The following WAPL variants were observed in gnomAD, a reference collection of about 807,000 sequenced individuals.
WAPL encodes WAPL cohesin release factor.
A neutral mutation model predicts 121.0 loss-of-function variants in WAPL; 5 were observed. That is an observed-to-expected ratio of 0.04 (90% CI 0.02 to 0.09). The LOEUF is 0.09. Among genes scored for constraint, WAPL ranks in the 10% least tolerant of loss-of-function variants. The pLI is 1.00. For synonymous variants in WAPL, 480 were observed against 481.5 expected (o/e 1.00, Z 0.04); for missense variants, 999 against 1,410.8 (o/e 0.71, Z 4.68).
At chr10:86,453,012 T>C (rs1841027904) in intron 14 of WAPL, among the ~76,000 whole-genome samples, 1 of 77,238 alleles carries the variant, frequency 1.3e-5, no homozygotes, top group Non-Finnish European at 2.2e-5. Flanking sequence ...GTAGACTCCA[T>C]CTCCCAAAAA....
At chr10:86,518,558 A>C (rs1382382490) in intron 1 of WAPL, among the ~76,000 whole-genome samples, 1 of 152,208 alleles carries the variant, frequency 6.6e-6, no homozygotes, top group African/African-American at 2.4e-5. Flanking sequence ...AAATACAAAA[A>C]TTAGCTGGGA....
In WAPL at chr10:86,496,473, C is replaced by G. The variant is rs543905459; in HGVS notation, c.1644+728G>C. Reference sequence around the variant, plus strand: ...AAAGAACTGAAAGCAGAGACTCAAACAGATGTATCTGTATGCCAACCTTCA... The same window carrying G: ...AAAGAACTGAAAGCAGAGACTCAAAGAGATGTATCTGTATGCCAACCTTCA... On this transcript the variant is annotated intron_variant, in intron 4 of 18. Transcript: ENST00000298767. Among the ~76,000 whole-genome samples the G allele has an allele frequency of 1.1e-4, 17 of 152,218 alleles. No individual in the cohort carries two copies. In the East Asian group the frequency reaches 1.2e-3, roughly 10 times the overall value.
At position 86,435,861 on chromosome 10, in the gene WAPL, T is replaced by C. The variant is rs1467648599; in HGVS notation, c.*1682A>G. ...TTAATAAATATCAATGTATTTTGCA[T>C]TTTAAAATAAAATATAACTAATTTA... On this transcript the variant is annotated 3_prime_UTR_variant, in exon 19 of 19. Transcript: ENST00000298767. 2.6e-5 allele frequency: 4 copies of C among 152,248 alleles called. No individual in the cohort carries two copies. The highest frequency in any genetic ancestry group is 4.4e-5 in the Non-Finnish European group (3 of 68,040). 9.4% of individuals were successfully genotyped at this position (152,248 alleles called of 1,614,324 possible). A position where few individuals can be genotyped will look rare whatever the true frequency, so the allele number is the denominator to read the frequency against.
chr10:86,454,488 C>T (rs1294821488), intron 12 of WAPL, among the ~76,000 whole-genome samples: 2 of 152,200 alleles, frequency 1.3e-5, no homozygotes, highest in Non-Finnish European at 2.9e-5. Flanking sequence ...CCTGATTCTC[C>T]TGCCTCAGCC....
chr10:86,437,463 G>A lies in WAPL; in HGVS notation c.*80C>T. On this transcript the variant is annotated 3_prime_UTR_variant, in exon 19 of 19. Transcript: ENST00000298767. ...ATGAATGTTCTTGGTATATCTTCAA[G>A]GACTTCTTTCATGACTTGACTTTTC... 1 of 1,445,508 alleles carries A rather than the reference G, an allele frequency of 6.9e-7. No individual in the cohort carries two copies. The highest frequency in any genetic ancestry group is 9.5e-7 in the Non-Finnish European group (1 of 1,052,006). The allele number at this position is 1,445,508 out of a possible 1,614,324, so 89.5% of individuals were successfully genotyped here.
At chr10:86,482,911 T>C (rs1046386640) in intron 4 of WAPL, among the ~76,000 whole-genome samples, 1 of 152,228 alleles carries the variant, frequency 6.6e-6, no homozygotes, top group African/African-American at 2.4e-5. Context: ...TATAGCATGG[T>C]AACTACAGTT....
At chr10:86,485,256 G>A (rs1841903643) in intron 4 of WAPL, among the ~76,000 whole-genome samples, 2 of 152,096 alleles carry the variant, frequency 1.3e-5, no homozygotes, top group East Asian at 1.9e-4. Flanking sequence ...AAGAAAATAC[G>A]ATTAGGCAGG....
At chr10:86,460,531 A>G in intron 10 of WAPL, 35 bp from the exon 11 acceptor site, 1 of 1,541,662 alleles carries the variant, frequency 6.5e-7, no homozygotes, top group Non-Finnish European at 9.0e-7. Context: ...GTTAGTATTT[A>G]TCATCGATAC....
rs1044308973 is a variant in WAPL, at chr10:86,497,207, G to A, written c.1638C>T (p.Pro546=). The A allele has an allele frequency of 1.2e-6, 2 of 1,609,662 alleles. No individual in the cohort carries two copies. Among genetic ancestry groups the A allele is most frequent in the African/African-American group, 2.7e-5 (2 of 74,730 alleles). ...CTGACAGTGCTTTACTTACCCGTTTGGGGCCACTAAAAATCTTTCTGGTAT... is the reference window on the plus strand; with the variant it reads ...CTGACAGTGCTTTACTTACCCGTTTAGGGCCACTAAAAATCTTTCTGGTAT... ...KENTRKIFSG[P]KRSPTKAVYN... Residue 546 remains proline (P), a synonymous_variant, in exon 4 of 19, where the codon CCC becomes CCT. Coordinates refer to ENST00000298767, the MANE Select transcript of WAPL (RefSeq NM_015045.5).
intron 4 of WAPL, among the ~76,000 whole-genome samples, chr10:86,495,842 C>A (rs1294621869): frequency 1.3e-5 from 2 of 152,056 alleles, no homozygotes; most frequent in Non-Finnish European, 2.9e-5. Context: ...GGGCCGGGCA[C>A]GGTGGCTCAC....
At position 86,447,514 on chromosome 10, in the gene WAPL, T is replaced by A. The variant is rs532701126; in HGVS notation, c.3115-1065A>T. On this transcript the variant is annotated intron_variant, in intron 15 of 18. Transcript: ENST00000298767. ...TTCTGGACATATACAAAATGCCATT[T>A]AAGGAAATACCAAAAACATCCAGGA... is the stretch of plus-strand genomic sequence containing the variant. 2.0e-4 allele frequency among the ~76,000 whole-genome samples: 30 copies of A among 152,206 alleles called. No individual in the cohort carries two copies. In the South Asian group the frequency reaches 6.2e-3, roughly 32 times the overall value.
In WAPL at chr10:86,435,430, T is replaced by C. The variant is rs892783882; in HGVS notation, c.*2113A>G. The C allele has an allele frequency of 6.6e-6, 1 of 152,646 alleles. No individual in the cohort carries two copies. Among genetic ancestry groups the C allele is most frequent in the Admixed American group, 6.5e-5 (1 of 15,276 alleles). The allele number at this position is 152,646 out of a possible 1,614,324, so 9.5% of individuals were successfully genotyped here. On this transcript the variant is annotated 3_prime_UTR_variant, in exon 19 of 19. Transcript: ENST00000298767. ...GATTGGATTCAGAAAAGTACTCTAC[T>C]GTTCTAATTTCCAATTGGTAGTATT...
rs376815024 is a variant in WAPL, at chr10:86,500,745, T to C, written c.500-2A>G. On this transcript the variant is annotated splice_acceptor_variant, in intron 2 of 18. Transcript: ENST00000298767. LOFTEE classifies it high-confidence loss of function. The stretch of plus-strand genomic sequence containing the variant: ...CTTCATGAAAATTCTCCACTTTATC[T>C]GTAAAAATAAGTCAAAGGATAAAAA... The C allele has an allele frequency of 7.7e-5, 119 of 1,546,346 alleles. No individual in the cohort carries two copies. The highest frequency in any genetic ancestry group is 1.0e-4 in the Non-Finnish European group (118 of 1,154,398).
Position 86,467,501 on chromosome 10 carries a change from C to T in WAPL, c.2148G>A (p.Leu716=), listed in dbSNP as rs370535099. Residue 716 remains leucine, a synonymous_variant, in exon 9 of 19, where the codon CTG becomes CTA. Transcript: ENST00000298767. ...TLDDSQHHQN[L]SLCTAALMYI... ...ACATGAGGGCAGCTGTACAGAGGGA[C>T]AGATTCTTCAACAGGCCAAAAAAAG... The T allele has an allele frequency of 1.0e-5, 16 of 1,602,790 alleles. No individual in the cohort carries two copies. The African/African-American group carries it at 1.7e-4, about 17-fold the overall frequency.
chr10:86,462,742 G>A (rs944709092), intron 9 of WAPL, among the ~76,000 whole-genome samples: 47 of 94,814 alleles, frequency 5.0e-4, no homozygotes, highest in African/African-American at 8.1e-4. Flanking sequence ...AAAAAAAAAA[G>A]AGTTGTTCTC....
chr10:86,440,484 G>GGTTTCACC (rs887086979), intron 17 of WAPL, among the ~76,000 whole-genome samples: 2 of 151,802 alleles, frequency 1.3e-5, no homozygotes, highest in African/African-American at 2.4e-5. Flanking sequence ...GTAGAGACGG[G>GGTTTCACC]GTTTCACCGT....
intron 2 of WAPL, among the ~76,000 whole-genome samples, chr10:86,513,644 A>G (rs928638164): frequency 6.6e-6 from 1 of 152,150 alleles, no homozygotes; most frequent in South Asian, 2.1e-4. Flanking sequence ...ATCCGTTATA[A>G]AAGTACTTAA....
chr10:86,460,446 C>T lies in WAPL; in HGVS notation c.2533G>A (p.Val845Ile). 6.2e-7 allele frequency: 1 copy of T among 1,613,838 alleles called. No individual in the cohort carries two copies. ...CTCTCTGCTCCCCATAGTGAGGCTACCAGTTTCTCTTCATCCTCATCTCTA... is the reference window on the plus strand; with the variant it reads ...CTCTCTGCTCCCCATAGTGAGGCTATCAGTTTCTCTTCATCCTCATCTCTA... ...LSRDEDEEKL[V>I]ASLWGAERCL... is the part of the protein sequence containing the mutation. Residue 845 changes from valine to isoleucine, a missense_variant, in exon 11 of 19, where the codon GTA becomes ATA. Val to Ile is a conservative substitution (Grantham distance 29). Around this residue, in one of 7 missense-constraint regions of WAPL, gnomAD observed 118 missense variants for 318.3 expected, o/e 0.37. Coordinates refer to ENST00000298767, the MANE Select transcript of WAPL (RefSeq NM_015045.5).
chr10:86,505,120 G>C (rs1277055670), intron 2 of WAPL, among the ~76,000 whole-genome samples: 1 of 151,430 alleles, frequency 6.6e-6, no homozygotes, highest in Non-Finnish European at 1.5e-5. Flanking sequence ...AAACAGTTTA[G>C]AGCACTACAG....
Sources: allele counts gnomAD v4.1 joint callset (sites outside exome capture counted in the v4.1 genomes callset), GRCh38; gene constraint gnomAD v4.1.1; regional missense constraint gnomAD v4.1.1; transcripts MANE v1.5; gene names NCBI Gene and HGNC (gene_info 2026-07-23, HGNC 2026-07-21).